The following NRXN1 variants were observed in gnomAD, a reference collection of about 807,000 sequenced individuals.
NRXN1 encodes the protein neurexin 1.
NRXN1 carries 39 observed loss-of-function variants against 150.9 expected under a neutral mutation model. The observed-to-expected ratio is 0.26, with a 90% confidence interval of 0.20 to 0.34. The LOEUF (loss-of-function observed/expected upper bound fraction) is 0.34. Ranked by LOEUF, NRXN1 falls within the 10% of genes least tolerant of loss-of-function variation. NRXN1 has a pLI of 1.00. For synonymous variants in NRXN1, 924 were observed against 757.0 expected, an observed-to-expected ratio of 1.22 and a Z score of -3.62; for missense variants, 1,815 against 1,949.9, an observed-to-expected ratio of 0.93 and a Z score of 1.30.
intron 17 of NRXN1, among the ~76,000 whole-genome samples, chr2:50,445,950 C>A (rs953968641): frequency 6.6e-6 from 1 of 152,068 alleles, no homozygotes; most frequent in Non-Finnish European, 1.5e-5. Flanking sequence ...TTCTCAATTT[C>A]TTTATCTTTT....
chr2:50,378,319 G>A (rs2080681328), intron 17 of NRXN1, among the ~76,000 whole-genome samples: 1 of 152,080 alleles, frequency 6.6e-6, no homozygotes, highest in Non-Finnish European at 1.5e-5. Flanking sequence ...CTTAAGATGG[G>A]GTTATCTCCT....
At chr2:50,317,325 G>A (rs1309868216) in intron 17 of NRXN1, among the ~76,000 whole-genome samples, 1 of 151,794 alleles carries the variant, frequency 6.6e-6, no homozygotes, top group Non-Finnish European at 1.5e-5. Flanking sequence ...AGACACATGA[G>A]CAAGAAATAA....
At chr2:50,439,653 T>A (rs1323350985) in intron 17 of NRXN1, among the ~76,000 whole-genome samples, 4 of 150,178 alleles carry the variant, frequency 2.7e-5, no homozygotes, top group East Asian at 2.0e-4. Flanking sequence ...AAAAAAAAAA[T>A]AAAAATACAA....
At chr2:50,976,029 C>A (rs1417428889) in intron 2 of NRXN1, among the ~76,000 whole-genome samples, 1 of 152,014 alleles carries the variant, frequency 6.6e-6, no homozygotes, top group Non-Finnish European at 1.5e-5. Flanking sequence ...GTCCCCTTGA[C>A]TAGACATCTG....
chr2:50,621,369 T>A, intron 6 of NRXN1, 120 bp from the exon 7 acceptor site: 1 of 703,770 alleles, frequency 1.4e-6, no homozygotes, highest in South Asian at 2.5e-5. Flanking sequence ...TAACGGTTAG[T>A]AGAATGAAAC....
intron 17 of NRXN1, among the ~76,000 whole-genome samples, chr2:50,402,064 C>G (rs1182219777): frequency 6.6e-6 from 1 of 152,092 alleles, no homozygotes; most frequent in Non-Finnish European, 1.5e-5. Flanking sequence ...CTGATTGAAT[C>G]TGTGGAAAAT....
At chr2:50,570,763 G>T (rs1670550930) in intron 8 of NRXN1, among the ~76,000 whole-genome samples, 1 of 151,980 alleles carries the variant, frequency 6.6e-6, no homozygotes, top group African/African-American at 2.4e-5. Context: ...ACATAGCAAT[G>T]CTCATATAAT....
intron 17 of NRXN1, among the ~76,000 whole-genome samples, chr2:50,378,567 C>CT (rs2080700373): frequency 6.6e-6 from 1 of 152,052 alleles, no homozygotes; most frequent in African/African-American, 2.4e-5. Flanking sequence ...CTATGAACTG[C>CT]TTTCTACCCA....
In NRXN1 at chr2:49,969,059, T is replaced by G. The variant is rs11885610; in HGVS notation, c.4129-25268A>C. ...TAATTTTCAACATTCTGGAAAGAGA[T>G]AGTAAAATTCCTAAAGGCTAAGAAA... On this transcript the variant is annotated intron_variant, in intron 21 of 22. Transcript: ENST00000401669. Among the ~76,000 whole-genome samples the G allele has an allele frequency of 6.1e-3, 926 of 152,256 alleles. 15 individuals are homozygous for G. Among genetic ancestry groups the G allele is most frequent in the African/African-American group, 0.021 (890 of 41,574 alleles).
At chr2:50,086,075 T>C (rs551741069) in intron 19 of NRXN1, among the ~76,000 whole-genome samples, 84 of 152,288 alleles carry the variant, frequency 5.5e-4, no homozygotes, top group Admixed American at 1.1e-3. Context: ...GGACGTGGAA[T>C]AGAAGAACGT....
intron 19 of NRXN1, 54 bp downstream of exon 19, chr2:50,091,269 T>C: frequency 6.3e-7 from 1 of 1,597,364 alleles, no homozygotes; most frequent in South Asian, 1.1e-5. Context: ...CAGTGCTTTT[T>C]CTTCCAGTTT....
chr2:50,543,684 T>C (rs1207858700), intron 9 of NRXN1, among the ~76,000 whole-genome samples: 1 of 152,134 alleles, frequency 6.6e-6, no homozygotes, highest in African/African-American at 2.4e-5. Flanking sequence ...ATTTACAACG[T>C]AGTGAGGTAG....
intron 5 of NRXN1, among the ~76,000 whole-genome samples, chr2:50,662,399 A>G (rs541274625): frequency 6.6e-6 from 1 of 152,130 alleles, no homozygotes; most frequent in East Asian, 1.9e-4. Context: ...TAACATTTCA[A>G]GAAAATGATG....
chr2:50,621,865 T>A (rs1680083143), intron 6 of NRXN1, among the ~76,000 whole-genome samples: 1 of 152,128 alleles, frequency 6.6e-6, no homozygotes, highest in South Asian at 2.1e-4. Context: ...TGGATTTGTG[T>A]TTAATCTGTC....
intron 17 of NRXN1, among the ~76,000 whole-genome samples, chr2:50,330,835 T>C (rs926378803): frequency 3.3e-5 from 5 of 152,170 alleles, no homozygotes; most frequent in Admixed American, 1.3e-4. Context: ...GACTCATTAA[T>C]AAAGCTGAAG....
chr2:50,961,614 T>C (rs1337318969), intron 2 of NRXN1, among the ~76,000 whole-genome samples: 2 of 151,840 alleles, frequency 1.3e-5, no homozygotes, highest in East Asian at 1.9e-4. Flanking sequence ...AAGGCTATAA[T>C]ATGATTCATT....
intron 18 of NRXN1, among the ~76,000 whole-genome samples, chr2:50,177,011 T>C (rs2060395120): frequency 1.3e-5 from 2 of 152,172 alleles, no homozygotes; most frequent in African/African-American, 4.8e-5. Context: ...TACATTATCA[T>C]TTCAAAGCAA....
At chr2:50,056,099 G>A (rs1466024249) in intron 19 of NRXN1, among the ~76,000 whole-genome samples, 1 of 152,002 alleles carries the variant, frequency 6.6e-6, no homozygotes, top group African/African-American at 2.4e-5. Context: ...TAACTAACAT[G>A]GAAATTTAAG....
intron 17 of NRXN1, among the ~76,000 whole-genome samples, chr2:50,239,100 A>G (rs2065748981): frequency 6.6e-6 from 1 of 151,906 alleles, no homozygotes; most frequent in African/African-American, 2.4e-5. Context: ...AAGCTTGTTC[A>G]TCATAATCTT....
Sources: gnomAD v4.1 joint callset for allele counts (sites outside exome capture counted in the v4.1 genomes callset) on GRCh38, gnomAD v4.1.1 for gene constraint, MANE v1.5 for transcripts, NCBI Gene and HGNC (gene_info 2026-07-23, HGNC 2026-07-21) for gene names.